FGF13: variants seen among roughly 807,000 people sequenced by gnomAD.
FGF13 encodes fibroblast growth factor homologous factor 2.
In FGF13, 2 loss-of-function variants were observed where a neutral mutation model predicts 19.5. The ratio of observed to expected loss-of-function variants is 0.10; its 90% CI spans 0.04 to 0.32. The LOEUF (loss-of-function observed/expected upper bound fraction) is 0.32, where lower values mean the gene tolerates loss of function less well. FGF13 is among the 10% of genes least tolerant of loss of function. The pLI, the probability that FGF13 is intolerant of heterozygous loss-of-function variation, is 1.00. For synonymous variants in FGF13, 72 were observed against 76.9 expected (o/e 0.94, Z 0.33); for missense variants, 113 against 192.7 (o/e 0.59, Z 2.45).
intron 3 of FGF13, among the ~76,000 whole-genome samples, chrX:138,655,054 TAG>T (rs2089421719): frequency 8.9e-6 from 1 of 111,853 alleles, no homozygotes; most frequent in Non-Finnish European, 1.9e-5. Flanking sequence ...TAAATTTTGA[TAG>T]TGACCACCTA....
intron 1 of FGF13, among the ~76,000 whole-genome samples, chrX:139,072,432 A>C (rs999606967): frequency 2.7e-5 from 3 of 111,547 alleles, no homozygotes; most frequent in African/African-American, 9.8e-5. Flanking sequence ...GAACTATGAG[A>C]AAATAAATTT....
At chrX:138,778,468 G>A (rs762095411) in intron 3 of FGF13, among the ~76,000 whole-genome samples, 14 of 112,123 alleles carry the variant, frequency 1.2e-4, no homozygotes, top group South Asian at 7.5e-4. Context: ...CACACCGTGC[G>A]CGAGCCGAAG....
intron 3 of FGF13, among the ~76,000 whole-genome samples, chrX:138,841,095 A>G (rs1323249846): frequency 9.0e-6 from 1 of 110,938 alleles, no homozygotes; most frequent in East Asian, 2.8e-4. Context: ...CCATTTTCTA[A>G]TGGTGAGATG....
chrX:138,852,714 T>C (rs1192705035), downstream of FGF13, among the ~76,000 whole-genome samples: 1 of 111,742 alleles, frequency 8.9e-6, no homozygotes, highest in Non-Finnish European at 1.9e-5. Flanking sequence ...TGGGATTTAA[T>C]TAAACTAAAG....
At chrX:138,808,148 G>A (rs1187326019) in intron 3 of FGF13, among the ~76,000 whole-genome samples, 2 of 111,587 alleles carry the variant, frequency 1.8e-5, no homozygotes, top group Non-Finnish European at 3.8e-5. Flanking sequence ...ATTCTTCTCC[G>A]CACCACATCG....
intron 2 of FGF13, among the ~76,000 whole-genome samples, chrX:138,704,722 T>C (rs1267506898): frequency 8.9e-6 from 1 of 112,332 alleles, no homozygotes; most frequent in Non-Finnish European, 1.9e-5. Flanking sequence ...AAAAGACAAG[T>C]GTTCCTACCA....
At chrX:138,858,299 T>G (rs996016579) in intron 2 of FGF13, among the ~76,000 whole-genome samples, 2 of 112,041 alleles carry the variant, frequency 1.8e-5, no homozygotes, top group African/African-American at 6.5e-5. Context: ...CTTGTTGGAT[T>G]GTAAAAGAGC....
chrX:138,979,994 A>C, intron 1 of FGF13, among the ~76,000 whole-genome samples: 1 of 112,110 alleles, frequency 8.9e-6, no homozygotes, highest in Non-Finnish European at 1.9e-5. Flanking sequence ...AGTAATGCCA[A>C]GGCTGTGATA....
At chrX:138,970,557 C>T (rs1428436779) in intron 1 of FGF13, among the ~76,000 whole-genome samples, 1 of 111,646 alleles carries the variant, frequency 9.0e-6, no homozygotes, top group South Asian at 3.8e-4. Context: ...TGACCCAGAG[C>T]GCGTCAGGAT....
chrX:139,023,364 C>A (rs1218521937), intron 1 of FGF13, among the ~76,000 whole-genome samples: 2 of 110,454 alleles, frequency 1.8e-5, no homozygotes. Context: ...AATTTTTCAG[C>A]CATTTAAAAA....
chrX:139,109,876 G>T (rs1358936834), intron 1 of FGF13, among the ~76,000 whole-genome samples: 1 of 111,575 alleles, frequency 9.0e-6, no homozygotes, highest in Non-Finnish European at 1.9e-5. Flanking sequence ...TTTCTCAAAG[G>T]AAGACCCAGC....
Position 138,627,212 on chromosome X carries a change from G to A in FGF13, c.*5638C>T, listed in dbSNP as rs1317258203. ...CCTCAGTAATGTGCTGTGAAGCGCT[G>A]ACAGTATTTAAGGTCATAAATATCT... On this transcript the variant is annotated 3_prime_UTR_variant, in exon 5 of 5. Coordinates refer to ENST00000315930, the MANE Select transcript of FGF13 (RefSeq NM_004114.5). The A allele has an allele frequency of 9.0e-6, 1 of 111,596 alleles. No homozygotes were observed. The highest frequency in any genetic ancestry group is 1.9e-5 in the Non-Finnish European group (1 of 53,184). The allele number at this position is 111,596 out of a possible 1,213,427, so 9.2% of individuals were successfully genotyped here.
At chrX:138,807,232 A>C (rs2090876382) in intron 3 of FGF13, 1 of 111,769 alleles carries the variant, frequency 8.9e-6, no homozygotes, top group African/African-American at 3.3e-5. Context: ...ATTTTCTATT[A>C]TTTTTACGTT....
chrX:138,874,746 G>T, intron 1 of FGF13, among the ~76,000 whole-genome samples: 1 of 111,879 alleles, frequency 8.9e-6, no homozygotes, highest in East Asian at 2.8e-4. Flanking sequence ...AACATTGGGA[G>T]CTCCTTACCA....
intron 3 of FGF13, among the ~76,000 whole-genome samples, chrX:138,832,415 T>G (rs925898780): frequency 1.8e-5 from 2 of 111,079 alleles, no homozygotes; most frequent in African/African-American, 6.7e-5. Flanking sequence ...TGACCAGTGA[T>G]GTTGATTTTT....
At chrX:138,683,831 T>C (rs1467897424) in intron 3 of FGF13, among the ~76,000 whole-genome samples, 1 of 111,518 alleles carries the variant, frequency 9.0e-6, no homozygotes, top group Non-Finnish European at 1.9e-5. Flanking sequence ...TGGAGGCAAA[T>C]AGAAGGCACA....
At chrX:138,984,573 AAGAAGAAGAAGAAGAAGGAGG>A (rs1569436145) in intron 1 of FGF13, among the ~76,000 whole-genome samples, 20 of 53,500 alleles carry the variant, frequency 3.7e-4, no homozygotes, top group Middle Eastern at 8.2e-3. Flanking sequence ...GAAGAAGAAG[AAGAAGAAGAAGAAGAAGGAGG>A]AGGAGGAGGA....
intron 1 of FGF13, among the ~76,000 whole-genome samples, chrX:139,004,737 T>C (rs1212623681): frequency 8.9e-6 from 1 of 111,979 alleles, no homozygotes; most frequent in Non-Finnish European, 1.9e-5. Context: ...CTAGGCAGAA[T>C]TCACCACAAA....
chrX:138,912,290 C>T (rs2091591952), intron 1 of FGF13, among the ~76,000 whole-genome samples: 1 of 111,121 alleles, frequency 9.0e-6, no homozygotes, highest in Admixed American at 9.6e-5. Flanking sequence ...GAACTTTTCA[C>T]AATCGTTTTC....
Sources: allele counts gnomAD v4.1 joint callset (sites outside exome capture counted in the v4.1 genomes callset), GRCh38; gene constraint gnomAD v4.1.1; transcripts MANE v1.5; gene names NCBI Gene and HGNC (gene_info 2026-07-23, HGNC 2026-07-21).